The following WWOX variants were observed in gnomAD, a reference collection of about 807,000 sequenced individuals.
WWOX encodes the protein WW domain containing oxidoreductase.
WWOX carries 69 observed loss-of-function variants against 46.2 expected under a neutral mutation model. That is an observed-to-expected ratio of 1.49 (90% CI 1.23 to 1.82). The LOEUF is 1.82. Ranked by LOEUF, WWOX falls within the 40% of genes most tolerant of loss-of-function variation. The pLI, the probability that WWOX is intolerant of heterozygous loss-of-function variation, is 0.00. For missense variants in WWOX, 919 were observed against 542.6 expected, an observed-to-expected ratio of 1.69 and a Z score of -6.89; for synonymous variants, 359 against 202.6, an observed-to-expected ratio of 1.77 and a Z score of -6.56.
chr16:78,113,922 C>G (rs1018001817), intron 3 of WWOX, among the ~76,000 whole-genome samples: 4 of 151,950 alleles, frequency 2.6e-5, no homozygotes, highest in African/African-American at 9.7e-5. Flanking sequence ...ATATTTTAAA[C>G]TAATTTTACA....
chr16:78,418,765 A>G (rs2082858022), intron 6 of WWOX, among the ~76,000 whole-genome samples: 1 of 152,226 alleles, frequency 6.6e-6, no homozygotes, highest in Non-Finnish European at 1.5e-5. Flanking sequence ...GAAAACTTTT[A>G]GTAAACTTGG....
intron 8 of WWOX, among the ~76,000 whole-genome samples, chr16:79,087,053 C>A (rs537327768): frequency 6.6e-6 from 1 of 152,196 alleles, no homozygotes; most frequent in South Asian, 2.1e-4. Context: ...ATGGACAGCT[C>A]AGATGACCCC....
At chr16:78,802,776 TGTG>T (rs1189426540) in intron 8 of WWOX, among the ~76,000 whole-genome samples, 1 of 149,746 alleles carries the variant, frequency 6.7e-6, no homozygotes, top group African/African-American at 2.5e-5. Context: ...GTTAGCCAGG[TGTG>T]GTGGTGGGCG....
chr16:78,708,638 C>G (rs905477735), intron 8 of WWOX, among the ~76,000 whole-genome samples: 2 of 152,166 alleles, frequency 1.3e-5, no homozygotes, highest in Admixed American at 1.3e-4. Context: ...CTCAAGACCT[C>G]ACAGTGAACT....
chr16:78,551,632 C>T (rs1033098108), intron 8 of WWOX: 54 of 152,300 alleles, frequency 3.5e-4, no homozygotes, highest in Non-Finnish European at 6.9e-4. Flanking sequence ...GAGGCAGGCA[C>T]CTGATGCCAC....
intron 8 of WWOX, chr16:78,873,431 G>A (rs1047353267): frequency 1.3e-5 from 2 of 151,952 alleles, no homozygotes; most frequent in Admixed American, 6.6e-5. Context: ...AGCAGATGTG[G>A]TAAGAATGTA....
At chr16:79,035,154 G>C (rs749849583) in intron 8 of WWOX, among the ~76,000 whole-genome samples, 1 of 152,164 alleles carries the variant, frequency 6.6e-6, no homozygotes, top group Admixed American at 6.5e-5. Flanking sequence ...TTGACCGTCA[G>C]TATTTTCATT....
intron 6 of WWOX, among the ~76,000 whole-genome samples, chr16:78,404,545 T>C (rs1378757086): frequency 6.6e-6 from 1 of 152,190 alleles, no homozygotes; most frequent in Non-Finnish European, 1.5e-5. Flanking sequence ...CTTTCTCTTG[T>C]GGAGTTCGCT....
rs550576066 is a variant in WWOX at position 78,576,256 on chromosome 16, C to G, written c.1056+143504C>G. Among the ~76,000 whole-genome samples, 4 of 152,310 alleles carry G rather than the reference C, an allele frequency of 2.6e-5. No individual in the cohort carries two copies. In the South Asian group the frequency reaches 8.3e-4, roughly 32 times the overall value. ...TTCCAGTTCTTCTATGTTTCACCAACTTTTCTACAACAAATAATGCATCTG... is the reference window on the plus strand; with the variant it reads ...TTCCAGTTCTTCTATGTTTCACCAAGTTTTCTACAACAAATAATGCATCTG... On this transcript the variant is annotated intron_variant, in intron 8 of 8. Coordinates refer to ENST00000566780, the MANE Select transcript of WWOX (RefSeq NM_016373.4).
intron 5 of WWOX, among the ~76,000 whole-genome samples, chr16:78,320,738 G>A (rs1299775866): frequency 1.3e-5 from 2 of 152,184 alleles, no homozygotes; most frequent in Non-Finnish European, 2.9e-5. Flanking sequence ...ATTGACAAAT[G>A]ATCCAGCTGT....
chr16:78,964,859 T>C (rs1452940247), intron 8 of WWOX, among the ~76,000 whole-genome samples: 2 of 152,178 alleles, frequency 1.3e-5, no homozygotes, highest in Admixed American at 1.3e-4. Flanking sequence ...GCCACTCCAG[T>C]CATGGCTGAA....
chr16:79,017,730 T>TA (rs908212601), intron 8 of WWOX, among the ~76,000 whole-genome samples: 2 of 152,112 alleles, frequency 1.3e-5, no homozygotes, highest in Non-Finnish European at 2.9e-5. Context: ...AAAACCAGTC[T>TA]AAAAAAGCCA....
At chr16:78,471,786 A>AT (rs1409660661) in intron 8 of WWOX, among the ~76,000 whole-genome samples, 11 of 152,130 alleles carry the variant, frequency 7.2e-5, no homozygotes, top group Non-Finnish European at 1.6e-4. Context: ...AATAACGATG[A>AT]TTTTTCCATG....
intron 5 of WWOX, among the ~76,000 whole-genome samples, chr16:78,380,585 C>T (rs1169442213): frequency 6.6e-6 from 1 of 151,972 alleles, no homozygotes; most frequent in Non-Finnish European, 1.5e-5. Context: ...CGGTGACCAC[C>T]ACATCTTATG....
At chr16:78,572,147 A>G (rs2151574810) in intron 8 of WWOX, among the ~76,000 whole-genome samples, 1 of 152,352 alleles carries the variant, frequency 6.6e-6, no homozygotes, top group South Asian at 2.1e-4. Context: ...ATAATTTGTG[A>G]TAGCAAGAAC....
chr16:78,589,534 C>T (rs935239739), intron 8 of WWOX, among the ~76,000 whole-genome samples: 3 of 152,170 alleles, frequency 2.0e-5, no homozygotes, highest in Non-Finnish European at 4.4e-5. Flanking sequence ...TCCACCTTGG[C>T]AGAACCTGCA....
In WWOX at chr16:78,878,310, A is replaced by G. The variant is rs529761889; in HGVS notation, c.1057-333298A>G. Among the ~76,000 whole-genome samples the G allele has an allele frequency of 1.4e-4, 22 of 152,310 alleles. No individual in the cohort carries two copies. In the South Asian group the frequency reaches 3.5e-3, roughly 24 times the overall value. ...ATGCTGAATGATGGCCTAGCATGAC[A>G]TTGGGAAGTACAGACTTTGCAGGCA... On this transcript the variant is annotated intron_variant, in intron 8 of 8. Transcript: ENST00000566780.
intron 8 of WWOX, among the ~76,000 whole-genome samples, chr16:78,490,260 A>AGAAGCCTT (rs751941104): frequency 6.6e-6 from 1 of 151,898 alleles, no homozygotes; most frequent in Admixed American, 6.6e-5. Flanking sequence ...CCAAGCACCA[A>AGAAGCCTT]CGGAAGCCTT....
intron 8 of WWOX, among the ~76,000 whole-genome samples, chr16:78,963,526 C>T (rs564615909): frequency 2.0e-5 from 3 of 152,256 alleles, no homozygotes; most frequent in East Asian, 3.9e-4. Flanking sequence ...GCAGTCGCTT[C>T]ACTCCTAAAC....
Sources: allele counts gnomAD v4.1 joint callset (sites outside exome capture counted in the v4.1 genomes callset), GRCh38; gene constraint gnomAD v4.1.1; transcripts MANE v1.5; gene names NCBI Gene and HGNC (gene_info 2026-07-23, HGNC 2026-07-21).